C16orf96: variants seen among roughly 807,000 people sequenced by gnomAD.
C16orf96 encodes uncharacterized protein C16orf96.
In C16orf96, 108 loss-of-function variants were observed where a neutral mutation model predicts 103.6. The ratio of observed to expected loss-of-function variants is 1.04; its 90% confidence interval spans 0.89 to 1.22. The LOEUF is 1.22. Ranked by LOEUF, C16orf96 falls within the 50% of genes most tolerant of loss-of-function variation. C16orf96 has a pLI of 0.00. For missense variants in C16orf96, 1,586 were observed against 1,464.2 expected, an observed-to-expected ratio of 1.08 and a Z score of -1.36; for synonymous variants, 566 against 593.5, an observed-to-expected ratio of 0.95 and a Z score of 0.67.
At chr16:4,577,550 C>G (rs1017828755) in intron 5 of C16orf96, among the ~76,000 whole-genome samples, 9 of 152,020 alleles carry the variant, frequency 5.9e-5, no homozygotes, top group African/African-American at 2.2e-4. Context: ...ACTCAGGAGG[C>G]TGAGGCAGGA....
At chr16:4,595,249 T>C (rs1284967018) in intron 14 of C16orf96, among the ~76,000 whole-genome samples, 1 of 152,016 alleles carries the variant, frequency 6.6e-6, no homozygotes, top group Non-Finnish European at 1.5e-5. Context: ...AAAGGCCCTG[T>C]GGTGGGTGGA....
At position 4,576,209 on chromosome 16, in the gene C16orf96, G is replaced by A. The variant is rs2059506168; in HGVS notation, c.1729G>A (p.Ala577Thr). The A allele has an allele frequency of 1.9e-6, 3 of 1,550,676 alleles. No homozygotes were observed. Among genetic ancestry groups the A allele is most frequent in the Non-Finnish European group, 2.6e-6 (3 of 1,146,976 alleles). ...TGCCATCGCCGCCGCTGCCGCCGCAGCCTACGCCGCTGCCACATCCTCCGC... is the reference window on the plus strand; with the variant it reads ...TGCCATCGCCGCCGCTGCCGCCGCAACCTACGCCGCTGCCACATCCTCCGC... ...TAAIAAAAAA[A>T]YAAATSSAAQ... Residue 577 changes from alanine to threonine, a missense_variant, in exon 5 of 16, where the codon GCC (alanine) becomes ACC (threonine). Ala to Thr is a moderately conservative substitution (Grantham distance 58). Transcript: ENST00000444310.
chr16:4,544,434 G>A, the C16orf96 span, among the ~76,000 whole-genome samples: 2 of 152,016 alleles, frequency 1.3e-5, no homozygotes, highest in Admixed American at 1.3e-4. Context: ...GGCAAAACCC[G>A]GTATCTACAA....
chr16:4,576,765 T>G, intron 5 of C16orf96, 130 bp downstream of exon 5: 1 of 954,386 alleles, frequency 1.0e-6, no homozygotes, highest in Admixed American at 2.9e-5. Context: ...CATTCTTTCC[T>G]TTGGCTTAAG....
intron 9 of C16orf96, among the ~76,000 whole-genome samples, chr16:4,589,995 G>A (rs751291465): frequency 1.3e-5 from 2 of 151,944 alleles, no homozygotes; most frequent in Non-Finnish European, 2.9e-5. Context: ...GCCTGGTGGC[G>A]GGCGCCTGTA....
In C16orf96 at chr16:4,593,405, T is replaced by A; in HGVS notation, c.2867+89T>A. ...ACCCTGTTCCTGCAGAGACACATCCTCCAGGCCCAGGGACCTAAGATTGTC... is the reference window on the plus strand; with the variant it reads ...ACCCTGTTCCTGCAGAGACACATCCACCAGGCCCAGGGACCTAAGATTGTC... On this transcript the variant is annotated intron_variant, in intron 12 of 15. Coordinates refer to ENST00000444310, the MANE Select transcript of C16orf96 (RefSeq NM_001145011.2). The surrounding 1 kb of genome is among the most constrained non-coding windows in gnomAD (Gnocchi z 4.2). 7.9e-7 allele frequency: 1 copy of A among 1,259,898 alleles called. No homozygotes were observed. Among genetic ancestry groups the A allele is most frequent in the African/African-American group, 1.5e-5 (1 of 67,434 alleles). The allele number at this position is 1,259,898 out of a possible 1,614,324, so 78.0% of individuals were successfully genotyped here. A position where few individuals can be genotyped will look rare whatever the true frequency, so the allele number is the denominator to read the frequency against.
At chr16:4,587,529 C>CAAAAAAAAAAAAAAAAAAAAAAAA (rs59504956) in intron 8 of C16orf96, among the ~76,000 whole-genome samples, 2 of 118,666 alleles carry the variant, frequency 1.7e-5, no homozygotes, top group Non-Finnish European at 3.5e-5. Flanking sequence ...AACTCTGTCT[C>CAAAAAAAAAAAAAAAAAAAAAAAA]AAAAAAAAAA....
intron 1 of C16orf96, among the ~76,000 whole-genome samples, chr16:4,564,370 G>C (rs538811563): frequency 1.3e-5 from 2 of 152,260 alleles, no homozygotes; most frequent in Admixed American, 1.3e-4. Context: ...GGTCCAGGAA[G>C]TCCCCGGGAG....
intron 1 of C16orf96, among the ~76,000 whole-genome samples, chr16:4,564,416 G>A (rs1272410841): frequency 6.6e-6 from 1 of 152,132 alleles, no homozygotes; most frequent in Non-Finnish European, 1.5e-5. Flanking sequence ...ACAACCTATT[G>A]TTGCTTTCTT....
At position 4,600,528 on chromosome 16, in the gene C16orf96, G is replaced by C. The variant is rs1422297489; in HGVS notation, c.*211G>C. 1 of 475,700 alleles carries C rather than the reference G, an allele frequency of 2.1e-6. No individual in the cohort carries two copies. Among genetic ancestry groups the C allele is most frequent in the East Asian group, 3.9e-5 (1 of 25,834 alleles). The allele number at this position is 475,700 out of a possible 1,614,324, so 29.5% of individuals were successfully genotyped here. ...CTACCAAGTCCCCTCCACGTCCGAG[G>C]CTGAGACCCATATGCCCCCCCCACC... On this transcript the variant is annotated 3_prime_UTR_variant, in exon 16 of 16. Coordinates refer to ENST00000444310, the MANE Select transcript of C16orf96 (RefSeq NM_001145011.2).
intron 12 of C16orf96, 143 bp from the exon 13 acceptor site, chr16:4,594,208 C>G: frequency 1.1e-6 from 1 of 925,576 alleles, no homozygotes; most frequent in South Asian, 1.7e-5. Flanking sequence ...CCGCCAGGCC[C>G]CAGGCCTGCC....
chr16:4,599,639 G>A (rs923961028), intron 15 of C16orf96, among the ~76,000 whole-genome samples: 1 of 152,190 alleles, frequency 6.6e-6, no homozygotes, highest in African/African-American at 2.4e-5. Context: ...TCTCTGGTTC[G>A]GATCACCACG....
intron 10 of C16orf96, 117 bp downstream of exon 10, chr16:4,591,901 T>C: frequency 1.2e-6 from 1 of 826,714 alleles, no homozygotes; most frequent in South Asian, 1.5e-5. Flanking sequence ...GATGGGGGCT[T>C]GGCTGTGGCT....
chr16:4,577,205 A>G (rs1165261487), intron 5 of C16orf96, among the ~76,000 whole-genome samples: 5 of 151,772 alleles, frequency 3.3e-5, no homozygotes, highest in Non-Finnish European at 5.9e-5. Context: ...AACAACAACA[A>G]CAAAAAAAAC....
In C16orf96 at chr16:4,571,635, A is replaced by C. The variant is rs1313380473; in HGVS notation, c.495A>C (p.Glu165Asp). The change falls in exon 2 of 16, where the codon GAA (glutamate) becomes GAC (aspartate). Residue 165 changes from glutamate to aspartate, a missense_variant. Transcript: ENST00000444310. ...LQVTITALRK[E>D]VDMLKNMLDK... ...TCACCATCACAGCCCTCAGAAAAGA[A>C]GTGGACATGCTGAAGAACATGCTTG... The C allele has an allele frequency of 1.9e-6, 3 of 1,552,162 alleles. No homozygotes were observed. Among genetic ancestry groups the C allele is most frequent in the Non-Finnish European group, 2.6e-6 (3 of 1,147,022 alleles).
chr16:4,577,155 C>G (rs560151051), intron 5 of C16orf96, among the ~76,000 whole-genome samples: 1 of 151,896 alleles, frequency 6.6e-6, no homozygotes, highest in African/African-American at 2.4e-5. Context: ...CATGCCATTG[C>G]GCTCCAGCCT....
chr16:4,550,458 A>G, the C16orf96 span, among the ~76,000 whole-genome samples: 1 of 152,076 alleles, frequency 6.6e-6, no homozygotes, highest in Non-Finnish European at 1.5e-5. Context: ...CTCTCCTCCC[A>G]TGTTCTCTCC....
chr16:4,588,344 A>AT lies in C16orf96; in HGVS notation c.2592+14dup. The AT allele has an allele frequency of 6.5e-7, 1 of 1,540,446 alleles. No homozygotes were observed. Among genetic ancestry groups the AT allele is most frequent in the South Asian group, 1.2e-5 (1 of 83,608 alleles). On this transcript the variant is annotated intron_variant, in intron 9 of 15. Coordinates refer to ENST00000444310, the MANE Select transcript of C16orf96 (RefSeq NM_001145011.2). ...CGTGAACACCAAGGTGAATGCCCCC[A>AT]TGTTGATTTTCACTTTATTCCTAAC...
At chr16:4,594,186 G>A (rs1394588402) in intron 12 of C16orf96, among the ~76,000 whole-genome samples, 165 bp from the exon 13 acceptor site, 1 of 152,162 alleles carries the variant, frequency 6.6e-6, no homozygotes, top group Non-Finnish European at 1.5e-5. Context: ...CACTGTGTGT[G>A]TCTGTATCCA....
Sources: allele counts gnomAD v4.1 joint callset (sites outside exome capture counted in the v4.1 genomes callset), GRCh38; gene constraint gnomAD v4.1.1; non-coding constraint Gnocchi (gnomAD v3.1); transcripts MANE v1.5; gene names NCBI Gene and HGNC (gene_info 2026-07-23, HGNC 2026-07-21).